The following SYNE2 variants were observed in gnomAD, a reference collection of about 807,000 sequenced individuals.
The protein encoded by SYNE2 is nesprin-2.
SYNE2 carries 431 observed loss-of-function variants against 856.3 expected under a neutral mutation model. The ratio of observed to expected loss-of-function variants is 0.50; its 90% CI spans 0.47 to 0.55. The LOEUF is 0.55. Among genes scored for constraint, SYNE2 ranks in the 20% least tolerant of loss-of-function variants. SYNE2 has a pLI of 0.00. For missense variants in SYNE2, 8,129 were observed against 8,023.2 expected (o/e 1.01, Z -0.50); for synonymous variants, 2,923 against 2,872.3 (o/e 1.02, Z -0.56).
rs150706379 is a variant in SYNE2, at chr14:63,932,307, G to A, written c.80-8307G>A. On this transcript the variant is annotated intron_variant, in intron 2 of 115. Transcript: ENST00000555002. ...TGAGGCAGGAGAATCACTTAAACCC[G>A]GAAGGCGGAGGTTGCAGTGAGCCGA... Among the ~76,000 whole-genome samples the A allele has an allele frequency of 3.1e-3, 466 of 152,246 alleles. 4 individuals carry two copies. The highest frequency in any genetic ancestry group is 0.01 in the African/African-American group (421 of 41,540).
intron 11 of SYNE2, among the ~76,000 whole-genome samples, chr14:63,971,097 A>G (rs1321871239): frequency 2.0e-5 from 3 of 148,862 alleles, no homozygotes; most frequent in Non-Finnish European, 4.5e-5. Flanking sequence ...TAAAATTTTT[A>G]CAGTCTACTT....
intron 110 of SYNE2, among the ~76,000 whole-genome samples, chr14:64,219,659 C>G (rs2098685850): frequency 6.6e-6 from 1 of 152,126 alleles, no homozygotes; most frequent in Non-Finnish European, 1.5e-5. Context: ...CTCAGATCTC[C>G]AGAGATGGAA....
rs752451899 is a variant in SYNE2 at position 64,125,181 on chromosome 14, C to T, written c.13525C>T (p.Arg4509Cys). Residue 4509 changes from arginine (R) to cysteine (C), a missense_variant, in exon 71 of 116, where the codon CGC (arginine) becomes TGC (cysteine). Physicochemically the swap from Arg to Cys is radical, Grantham distance 180. Coordinates refer to ENST00000555002, the MANE Select transcript of SYNE2 (RefSeq NM_182914.3). The stretch of plus-strand genomic sequence containing the variant: ...CTATACCACCCAACTTGAAGACCTG[C>T]GCCAAGAAGCAAGTAACCTTCAGAC... Reference protein sequence around the residue: ...KTYTTQLEDLRQEASNLQTQE... With the variant: ...KTYTTQLEDLCQEASNLQTQE... The T allele has an allele frequency of 5.4e-5, 87 of 1,614,004 alleles. No individual in the cohort carries two copies. The highest frequency in any genetic ancestry group is 1.3e-4 in the African/African-American group (10 of 74,902).
chr14:63,794,336 C>T (rs898582782), intron 1 of SYNE2, among the ~76,000 whole-genome samples: 1 of 152,048 alleles, frequency 6.6e-6, no homozygotes, highest in Non-Finnish European at 1.5e-5. Flanking sequence ...ATTACAGGCA[C>T]GTGCCACCAT....
intron 2 of SYNE2, among the ~76,000 whole-genome samples, chr14:63,928,729 T>A (rs1162678466): frequency 6.6e-6 from 1 of 152,218 alleles, no homozygotes; most frequent in Non-Finnish European, 1.5e-5. Context: ...CTTTATATTT[T>A]TAGTTCTCTT....
At chr14:63,794,410 A>AC (rs1389964091) in intron 1 of SYNE2, among the ~76,000 whole-genome samples, 1 of 151,992 alleles carries the variant, frequency 6.6e-6, no homozygotes, top group Admixed American at 6.6e-5. Flanking sequence ...GGCTGGTCTC[A>AC]AACTCCTGGC....
chr14:63,827,097 G>A (rs1428856877), intron 1 of SYNE2, among the ~76,000 whole-genome samples: 2 of 151,444 alleles, frequency 1.3e-5, no homozygotes, highest in Admixed American at 6.6e-5. Flanking sequence ...GGCCAACATG[G>A]TGAAACCCTA....
At chr14:64,138,052 C>T in intron 79 of SYNE2, 69 bp downstream of exon 79, 2 of 1,543,006 alleles carry the variant, frequency 1.3e-6, no homozygotes, top group South Asian at 2.4e-5. Flanking sequence ...ATTCTGTAGT[C>T]AACTAAATTT....
At position 64,146,052 on chromosome 14, in the gene SYNE2, C is replaced by T. The variant is rs759874302; in HGVS notation, c.15484-16C>T. Reference sequence around the variant, plus strand: ...CATACATTTTAACATTTTTTGTAATCTTTACATTCACTTAGATACAACATT... The same window carrying T: ...CATACATTTTAACATTTTTTGTAATTTTTACATTCACTTAGATACAACATT... On this transcript the variant is annotated splice_polypyrimidine_tract_variant and intron_variant, in intron 83 of 115. Coordinates refer to ENST00000555002, the MANE Select transcript of SYNE2 (RefSeq NM_182914.3). 1.3e-6 allele frequency: 2 copies of T among 1,519,132 alleles called. No homozygotes were observed. Among genetic ancestry groups the T allele is most frequent in the East Asian group, 2.4e-5 (1 of 42,418 alleles). 94.1% of individuals were successfully genotyped at this position (1,519,132 alleles called of 1,614,324 possible).
chr14:64,184,362 G>GTGTGTGTA (rs1460013170), intron 96 of SYNE2, among the ~76,000 whole-genome samples: 3 of 149,826 alleles, frequency 2.0e-5, no homozygotes, highest in African/African-American at 7.4e-5. Context: ...GTGTGTGTGT[G>GTGTGTGTA]TATGTGTATG....
chr14:63,795,600 C>G (rs1166149225), intron 1 of SYNE2, among the ~76,000 whole-genome samples: 1 of 152,106 alleles, frequency 6.6e-6, no homozygotes, highest in African/African-American at 2.4e-5. Context: ...CTTTGTTGCC[C>G]AGGGTGGTCT....
In SYNE2 at chr14:64,134,298, G is replaced by A. The variant is rs564414968; in HGVS notation, c.14646+98G>A. 81 of 1,267,756 alleles carry A rather than the reference G, an allele frequency of 6.4e-5. 1 individual carries two copies. In the South Asian group the frequency reaches 8.5e-4, roughly 13 times the overall value. 78.5% of individuals were successfully genotyped at this position (1,267,756 alleles called of 1,614,324 possible). A position where few individuals can be genotyped will look rare whatever the true frequency, so the allele number is the denominator to read the frequency against. ...TGGCTTGATTTGGAAGGTTTGAATT[G>A]AAACAAAATGTTCATCATACAACTC... On this transcript the variant is annotated intron_variant, in intron 78 of 115. Coordinates refer to ENST00000555002, the MANE Select transcript of SYNE2 (RefSeq NM_182914.3).
intron 74 of SYNE2, among the ~76,000 whole-genome samples, chr14:64,129,028 G>A (rs921859914): frequency 1.3e-5 from 2 of 152,182 alleles, no homozygotes; most frequent in Non-Finnish European, 2.9e-5. Flanking sequence ...AAATATTTTG[G>A]CCAGGTTGGT....
In SYNE2 at chr14:63,948,760, GTATA is replaced by G. The variant is rs548858862; in HGVS notation, c.409-1059_409-1056del. Among the ~76,000 whole-genome samples, 19 of 54,970 alleles carry G rather than the reference GTATA, an allele frequency of 3.5e-4. No individual in the cohort carries two copies. In the East Asian group the frequency reaches 7.7e-3, roughly 22 times the overall value. 36.1% of individuals were successfully genotyped at this position (54,970 alleles called of 152,430 possible). On this transcript the variant is annotated intron_variant, in intron 6 of 115. Coordinates refer to ENST00000555002, the MANE Select transcript of SYNE2 (RefSeq NM_182914.3). The stretch of plus-strand genomic sequence containing the variant: ...TATAGATATGTGTGTGTATATATAT[GTATA>G]TATATGTATGTGTGTGTGTATATAT...
chr14:64,017,245 C>T (rs1333798819), intron 33 of SYNE2, among the ~76,000 whole-genome samples: 1 of 137,578 alleles, frequency 7.3e-6, no homozygotes, highest in Non-Finnish European at 1.5e-5. Flanking sequence ...AGGAGAATGG[C>T]GTGAACTCGG....
chr14:64,224,909 A>G, intron 114 of SYNE2, 90 bp from the exon 115 acceptor site: 2 of 1,223,048 alleles, frequency 1.6e-6, no homozygotes, highest in Non-Finnish European at 2.4e-6. Context: ...TAAAGGTGGT[A>G]TATAATTTAA....
chr14:63,925,957 G>A (rs536961762), intron 2 of SYNE2, among the ~76,000 whole-genome samples: 2 of 151,936 alleles, frequency 1.3e-5, no homozygotes, highest in South Asian at 2.1e-4. Context: ...GGGCTCAAGC[G>A]ATCCTCCCAC....
chr14:63,836,732 G>T (rs958008175), intron 1 of SYNE2, among the ~76,000 whole-genome samples: 1 of 152,152 alleles, frequency 6.6e-6, no homozygotes, highest in African/African-American at 2.4e-5. Flanking sequence ...GCCAACATCT[G>T]TCTTTGCCTC....
At chr14:63,769,404 C>G (rs898596758) in intron 1 of SYNE2, among the ~76,000 whole-genome samples, 1 of 152,148 alleles carries the variant, frequency 6.6e-6, no homozygotes, top group East Asian at 1.9e-4. Context: ...CACAGTGGCT[C>G]ACGCCTGTAA....
Sources: allele counts gnomAD v4.1 joint callset (sites outside exome capture counted in the v4.1 genomes callset), GRCh38; gene constraint gnomAD v4.1.1; transcripts MANE v1.5; gene names NCBI Gene and HGNC (gene_info 2026-07-23, HGNC 2026-07-21).